Variants in ACSS3 observed in about 807,000 individuals in gnomAD.
ACSS3 encodes the protein acyl-CoA synthetase short chain family member 3.
ACSS3 carries 64 observed loss-of-function variants against 84.2 expected under a neutral mutation model. The observed-to-expected ratio is 0.76, with a 90% CI of 0.62 to 0.94. The LOEUF is 0.94. Ranked by LOEUF, ACSS3 falls within the 40% of genes least tolerant of loss-of-function variation. The probability of loss-of-function intolerance (pLI) is 0.00; values close to 1 mark genes in which losing one functional copy is unlikely to be tolerated. For synonymous variants in ACSS3, 317 were observed against 310.1 expected, an observed-to-expected ratio of 1.02 and a Z score of -0.23; for missense variants, 815 against 867.6, an observed-to-expected ratio of 0.94 and a Z score of 0.76.
intron 8 of ACSS3, among the ~76,000 whole-genome samples, chr12:81,180,537 A>G (rs2030852287): frequency 6.6e-6 from 1 of 152,074 alleles, no homozygotes; most frequent in South Asian, 2.1e-4. Context: ...TTAAATCGAG[A>G]CAGAGTCTCA....
chr12:81,103,181 A>G (rs1018176845), intron 1 of ACSS3, among the ~76,000 whole-genome samples: 3 of 152,222 alleles, frequency 2.0e-5, no homozygotes, highest in Non-Finnish European at 4.4e-5. Flanking sequence ...AGAATTCCTC[A>G]GGCCCTTGGG....
chr12:81,087,123 CAGA>C (rs1474356075), intron 1 of ACSS3, among the ~76,000 whole-genome samples: 2 of 152,022 alleles, frequency 1.3e-5, no homozygotes, highest in East Asian at 1.9e-4. Context: ...TAGTAAAAAA[CAGA>C]AGGTCTTTCA....
At chr12:81,189,766 T>G (rs1578948) in intron 8 of ACSS3, among the ~76,000 whole-genome samples, 3,922 of 152,240 alleles carry the variant, frequency 0.026, 160 homozygotes, top group African/African-American at 0.089. Context: ...ATAGGTGTTT[T>G]TCCTGTATTT....
At chr12:81,213,973 T>C (rs867053125) in intron 9 of ACSS3, among the ~76,000 whole-genome samples, 930 of 31,134 alleles carry the variant, frequency 0.03, 135 homozygotes, top group Non-Finnish European at 0.075. Flanking sequence ...CTTTCTTTCT[T>C]TCTTTCTTTC....
chr12:81,250,886 GA>G (rs1251324926), intron 13 of ACSS3, among the ~76,000 whole-genome samples: 1 of 152,074 alleles, frequency 6.6e-6, no homozygotes. Context: ...TATTTTTCAT[GA>G]CTAATGACTG....
chr12:81,134,779 C>G (rs767602373), intron 2 of ACSS3, 37 bp from the exon 3 acceptor site: 1 of 1,427,522 alleles, frequency 7.0e-7, no homozygotes, highest in East Asian at 2.5e-5. Flanking sequence ...TGAAATAATA[C>G]AAAATACACT....
chr12:81,180,901 C>T (rs1420814981), intron 8 of ACSS3, among the ~76,000 whole-genome samples: 1 of 152,110 alleles, frequency 6.6e-6, no homozygotes, highest in Non-Finnish European at 1.5e-5. Context: ...CAACATCAAT[C>T]TCATTGAACC....
chr12:81,188,595 A>G (rs1026217994), intron 8 of ACSS3, among the ~76,000 whole-genome samples: 5 of 151,902 alleles, frequency 3.3e-5, no homozygotes, highest in African/African-American at 4.8e-5. Context: ...GTTTTTTTGA[A>G]CTTGATATAA....
intron 7 of ACSS3, among the ~76,000 whole-genome samples, chr12:81,168,549 C>T (rs1243778031): frequency 3.9e-5 from 6 of 152,142 alleles, no homozygotes; most frequent in Non-Finnish European, 7.4e-5. Flanking sequence ...GAGTGATACT[C>T]TTTAAAGGTC....
chr12:81,252,686 C>A (rs1650578772), intron 13 of ACSS3, among the ~76,000 whole-genome samples: 1 of 151,798 alleles, frequency 6.6e-6, no homozygotes, highest in African/African-American at 2.4e-5. Context: ...CAGATAGATA[C>A]CAGCTTTGTG....
chr12:81,130,522 T>TAG (rs1885420794), intron 2 of ACSS3, among the ~76,000 whole-genome samples: 1 of 152,246 alleles, frequency 6.6e-6, no homozygotes, highest in South Asian at 2.1e-4. Flanking sequence ...AGATTCTGGA[T>TAG]ATTAGCTCTT....
At position 81,078,161 on chromosome 12, in the gene ACSS3, C is replaced by T; in HGVS notation, c.41C>T (p.Ala14Val). 1 of 1,516,996 alleles carries T rather than the reference C, an allele frequency of 6.6e-7. No homozygotes were observed. Among genetic ancestry groups the T allele is most frequent in the African/African-American group, 1.4e-5 (1 of 70,922 alleles). 94.0% of individuals were successfully genotyped at this position (1,516,996 alleles called of 1,614,324 possible). Reference protein sequence around the residue: ...SWLQCRKVTSAGGLGGPLPGS... With the variant: ...SWLQCRKVTSVGGLGGPLPGS... ...CTGCAGTGTCGTAAAGTCACCAGCG[C>T]CGGGGGGCTCGGAGGGCCCTTGCCT... is the stretch of plus-strand genomic sequence containing the variant. Residue 14 changes from alanine to valine, a missense_variant, in exon 1 of 16, where the codon GCC becomes GTC. Transcript: ENST00000548058.
At chr12:81,232,860 C>T (rs572259166) in intron 12 of ACSS3, among the ~76,000 whole-genome samples, 94 of 151,722 alleles carry the variant, frequency 6.2e-4, no homozygotes, top group Non-Finnish European at 1.2e-3. Flanking sequence ...CTTTGAGTGA[C>T]TAAAAATTAA....
Position 81,258,884 on chromosome 12 carries a change from A to T in ACSS3, c.*3962A>T, listed in dbSNP as rs1656510318. ...TATCTTTTTTTTTTTCTTGGTCCACAGGTAACAAGAGAAGATTATGGTTTT... is the reference window on the plus strand; with the variant it reads ...TATCTTTTTTTTTTTCTTGGTCCACTGGTAACAAGAGAAGATTATGGTTTT... On this transcript the variant is annotated 3_prime_UTR_variant, in exon 16 of 16. Transcript: ENST00000548058. 6.6e-6 allele frequency: 1 copy of T among 151,750 alleles called. No homozygotes were observed. The highest frequency in any genetic ancestry group is 1.5e-5 in the Non-Finnish European group (1 of 68,000). 9.4% of individuals were successfully genotyped at this position (151,750 alleles called of 1,614,324 possible).
Position 81,233,488 on chromosome 12 carries a change from G to A in ACSS3, c.1719+17G>A. ...ATTGAAGAGGTATTGATGAATATTG[G>A]TATTCTATTCCAAGTAGTGCTTAGG... On this transcript the variant is annotated intron_variant, in intron 13 of 15. Transcript: ENST00000548058. 4 of 1,609,140 alleles carry A rather than the reference G, an allele frequency of 2.5e-6. No individual in the cohort carries two copies. The highest frequency in any genetic ancestry group is 1.1e-5 in the South Asian group (1 of 90,900).
At chr12:81,104,443 G>A (rs552858861) in intron 1 of ACSS3, among the ~76,000 whole-genome samples, 2 of 152,274 alleles carry the variant, frequency 1.3e-5, no homozygotes, top group African/African-American at 4.8e-5. Context: ...ACCTGCTGGA[G>A]AGTCTAGATT....
At chr12:81,221,847 T>A (rs17008281) in intron 11 of ACSS3, among the ~76,000 whole-genome samples, 2,264 of 152,148 alleles carry the variant, frequency 0.015, 58 homozygotes, top group African/African-American at 0.052. Flanking sequence ...TTCAAAGCAC[T>A]TTAGCAGCAT....
chr12:81,179,271 C>CAAAAAAAAAAAAAAAAAAA (rs71098127), intron 8 of ACSS3, among the ~76,000 whole-genome samples: 8 of 66,796 alleles, frequency 1.2e-4, no homozygotes, highest in African/African-American at 2.6e-4. Flanking sequence ...AAGTAATTGC[C>CAAAAAAAAAAAAAAAAAAA]AAAAAAAAAA....
chr12:81,244,360 T>A (rs1335842586), intron 13 of ACSS3, among the ~76,000 whole-genome samples: 1 of 152,124 alleles, frequency 6.6e-6, no homozygotes, highest in African/African-American at 2.4e-5. Context: ...TTTTTACATT[T>A]ATCTTGCTTG....
Sources: allele counts gnomAD v4.1 joint callset (sites outside exome capture counted in the v4.1 genomes callset), GRCh38; gene constraint gnomAD v4.1.1; transcripts MANE v1.5; gene names NCBI Gene and HGNC (gene_info 2026-07-23, HGNC 2026-07-21).